Variants in CLK3 observed in about 807,000 individuals in gnomAD.
The protein encoded by CLK3 is dual specificity protein kinase CLK3.
Under a neutral mutation model 65.2 loss-of-function variants are expected in CLK3, and 24 were observed. The ratio of observed to expected loss-of-function variants is 0.37; its 90% CI spans 0.27 to 0.52. The LOEUF is 0.52. Ranked by LOEUF, CLK3 falls within the 20% of genes least tolerant of loss-of-function variation. CLK3 has a pLI of 0.92. For synonymous variants in CLK3, 252 were observed against 240.8 expected, an observed-to-expected ratio of 1.05 and a Z score of -0.43; for missense variants, 506 against 660.0, an observed-to-expected ratio of 0.77 and a Z score of 2.56.
intron 5 of CLK3, among the ~76,000 whole-genome samples, chr15:74,623,356 C>T (rs1035185440): frequency 3.3e-5 from 5 of 152,198 alleles, no homozygotes; most frequent in Admixed American, 6.5e-5. Flanking sequence ...GTGGCCCTCT[C>T]GCTATTTCAG....
At chr15:74,628,523 C>A in intron 10 of CLK3, 81 bp from the exon 11 acceptor site, 1 of 1,010,412 alleles carries the variant, frequency 9.9e-7, no homozygotes. Context: ...AGGGCACTTG[C>A]CCATCTTTCT....
chr15:74,628,601 C>T lies in CLK3; in HGVS notation c.1126-3C>T, dbSNP rs1392180134. On this transcript the variant is annotated splice_polypyrimidine_tract_variant and splice_region_variant and intron_variant, in intron 10 of 12. Transcript: ENST00000395066. ...CCCTTGCACTGTCCCTAATCTTCCA[C>T]AGACCCACGAAAACCGAGAGCACCT... 8 of 1,612,302 alleles carry T rather than the reference C, an allele frequency of 5.0e-6. No individual in the cohort carries two copies. In the East Asian group the frequency reaches 6.7e-5, roughly 13 times the overall value.
At chr15:74,629,469 G>C (rs2141555103) in intron 12 of CLK3, 1 of 572,920 alleles carries the variant, frequency 1.7e-6, no homozygotes, top group South Asian at 2.0e-5. Context: ...TTTGCATGTG[G>C]GGGCAGAGGC....
Position 74,626,067 on chromosome 15 carries a change from C to T in CLK3, c.817+99C>T, listed in dbSNP as rs577457031. 2.2e-6 allele frequency: 3 copies of T among 1,350,018 alleles called. No homozygotes were observed. The Admixed American group carries it at 5.3e-5, about 24-fold the overall frequency. 83.6% of individuals were successfully genotyped at this position (1,350,018 alleles called of 1,614,324 possible). ...CCATTCATTCCAGCACGTTACTAAC[C>T]ATTCTCCTGGGCCTGAGGGACACCA... On this transcript the variant is annotated intron_variant, in intron 7 of 12. Coordinates refer to ENST00000395066, the MANE Select transcript of CLK3 (RefSeq NM_001130028.2).
rs537703689 is a variant in CLK3, at chr15:74,618,049, G to A, written c.1-1148G>A. Among the ~76,000 whole-genome samples, 217 of 152,304 alleles carry A rather than the reference G, an allele frequency of 1.4e-3. 2 individuals carry two copies. Among genetic ancestry groups the A allele is most frequent in the African/African-American group, 4.6e-3 (192 of 41,566 alleles). On this transcript the variant is annotated intron_variant, in intron 1 of 12. Transcript: ENST00000395066. ...GGCCTCACTGTCCTGCTCAAGCATG[G>A]GGAGCTGTTCTATGCTGCTTTTCTC... is the stretch of plus-strand genomic sequence containing the variant.
chr15:74,629,102 CAG>C (rs1221131761), intron 12 of CLK3, 70 bp downstream of exon 12: 1 of 1,173,908 alleles, frequency 8.5e-7, no homozygotes, highest in South Asian at 1.2e-5. Context: ...AGACATACAG[CAG>C]AGACAGGCCA....
intron 10 of CLK3, 122 bp downstream of exon 10, chr15:74,628,174 T>C: frequency 1.4e-6 from 1 of 721,570 alleles, no homozygotes; most frequent in Non-Finnish European, 2.5e-6. Flanking sequence ...CCACTAATCA[T>C]CATGTGAGAT....
At position 74,623,378 on chromosome 15, in the gene CLK3, C is replaced by A. The variant is rs1028910995; in HGVS notation, c.533+818C>A. 2.0e-5 allele frequency among the ~76,000 whole-genome samples: 3 copies of A among 152,216 alleles called. 1 individual carries two copies. Among genetic ancestry groups the A allele is most frequent in the Admixed American group, 2.0e-4 (3 of 15,286 alleles). ...TCTCGCTATTTCAGAGATGAATAAA[C>A]ATGCTCAGGGTTTGCCTGCATCATA... On this transcript the variant is annotated intron_variant, in intron 5 of 12. Coordinates refer to ENST00000395066, the MANE Select transcript of CLK3 (RefSeq NM_001130028.2).
At position 74,619,351 on chromosome 15, in the gene CLK3, G is replaced by A. The variant is rs2062083891; in HGVS notation, c.152+3G>A. ...CCACGAAGATCTCGGTCCAGAAGGT[G>A]AGAGGGAACTAGATAGGAGGGAAAG... On this transcript the variant is annotated splice_donor_region_variant and intron_variant, in intron 2 of 12. Transcript: ENST00000395066. 1 of 1,614,018 alleles carries A rather than the reference G, an allele frequency of 6.2e-7. No homozygotes were observed. Among genetic ancestry groups the A allele is most frequent in the Non-Finnish European group, 8.5e-7 (1 of 1,179,918 alleles).
rs565280571 is a variant in CLK3, at chr15:74,624,476, C to T, written c.534-426C>T. 5.6e-6 allele frequency: 1 copy of T among 177,484 alleles called. No individual in the cohort carries two copies. Among genetic ancestry groups the T allele is most frequent in the Non-Finnish European group, 1.2e-5 (1 of 82,934 alleles). 11.0% of individuals were successfully genotyped at this position (177,484 alleles called of 1,614,324 possible). ...GAACCCCCATCCCTGTTTGCTCAGA[C>T]TTGCAGACAAGCTCAGGAAGGTCAA... On this transcript the variant is annotated intron_variant, in intron 5 of 12. Coordinates refer to ENST00000395066, the MANE Select transcript of CLK3 (RefSeq NM_001130028.2). The surrounding 1 kb of genome is among the most constrained non-coding windows in gnomAD (Gnocchi z 4.2).
chr15:74,629,314 T>G, intron 12 of CLK3: 1 of 553,616 alleles, frequency 1.8e-6, no homozygotes, highest in Non-Finnish European at 3.3e-6. Context: ...TGTCCCTCTC[T>G]CTCCTCGAAA....
intron 1 of CLK3, chr15:74,618,984 T>G: frequency 1.9e-6 from 1 of 540,156 alleles, no homozygotes; most frequent in Non-Finnish European, 3.3e-6. Context: ...GGGAGCTGTT[T>G]GTTTGTTCAC....
chr15:74,627,419 GT>G lies in CLK3; in HGVS notation c.888del (p.Phe296LeufsTer16). ...AGAACATCCTGTTTGTGAATTCTGA[GT>G]TTGAAACCCTCTACAATGAGCACAA... ...PENILFVNSEFETLYNEHKSC... is the reference protein window; with the variant it reads ...PENILFVNSEXETLYNEHKSC... On this transcript the variant is annotated frameshift_variant, in exon 8 of 13. Coordinates refer to ENST00000395066, the MANE Select transcript of CLK3 (RefSeq NM_001130028.2). LOFTEE classifies it high-confidence loss of function. The surrounding 1 kb of genome is among the most constrained non-coding windows in gnomAD (Gnocchi z 4.3). 6.2e-7 allele frequency: 1 copy of G among 1,614,186 alleles called. No homozygotes were observed. The highest frequency in any genetic ancestry group is 8.5e-7 in the Non-Finnish European group (1 of 1,180,012).
In CLK3 at chr15:74,625,833, T is replaced by C. The variant is rs1349310677; in HGVS notation, c.682T>C (p.Phe228Leu). The C allele has an allele frequency of 3.7e-6, 6 of 1,614,040 alleles. No individual in the cohort carries two copies. Among genetic ancestry groups the C allele is most frequent in the Non-Finnish European group, 5.1e-6 (6 of 1,180,036 alleles). ...LCVLMSDWFN[F>L]HGHMCIAFEL... ...TGTCTTGATGTCTGACTGGTTCAAC[T>C]TCCACGGTCACATGTGCATCGCCTT... Residue 228 changes from phenylalanine (F) to leucine (L), a missense_variant, in exon 7 of 13, where the codon TTC becomes CTC. Around this residue, in one of 2 missense-constraint regions of CLK3, gnomAD observed 325 missense variants for 500.5 expected, o/e 0.65. Coordinates refer to ENST00000395066, the MANE Select transcript of CLK3 (RefSeq NM_001130028.2).
chr15:74,615,380 G>C, upstream of CLK3: 2 of 1,197,600 alleles, frequency 1.7e-6, no homozygotes, highest in South Asian at 3.5e-5. Context: ...CGCGCAAGCG[G>C]AGTCGCGTCC....
chr15:74,625,956 C>G lies in CLK3; in HGVS notation c.805C>G (p.His269Asp). Residue 269 changes from histidine (H) to aspartate (D), a missense_variant, in exon 7 of 13, where the codon CAC becomes GAC. By Grantham distance (81) the His-to-Asp change is moderately conservative. Coordinates refer to ENST00000395066, the MANE Select transcript of CLK3 (RefSeq NM_001130028.2). ...CCGGCACATGGCCTACCAGCTCTGC[C>G]ACGCCCTTAGATGTAAGTGTCCACC... The part of the protein sequence containing the change: ...HVRHMAYQLC[H>D]ALRFLHENQL... 1 of 1,614,112 alleles carries G rather than the reference C, an allele frequency of 6.2e-7. No homozygotes were observed. The highest frequency in any genetic ancestry group is 8.5e-7 in the Non-Finnish European group (1 of 1,179,972).
intron 3 of CLK3, chr15:74,620,520 A>G (rs1346328445): frequency 1.9e-6 from 1 of 524,394 alleles, no homozygotes; most frequent in Non-Finnish European, 3.4e-6. Flanking sequence ...ACGTGGTGCA[A>G]GTGGCTGGGG....
Position 74,619,266 on chromosome 15 carries a change from A to AGGT in CLK3, c.71_73dup (p.Arg24_Ser25insTrp). ...CCTGAGCTACCGATGGAAGAGGAGG[A>AGGT]GGTCCTACAGTCGGGAACATGAAGG... On this transcript the variant is annotated inframe_insertion, in exon 2 of 13. Coordinates refer to ENST00000395066, the MANE Select transcript of CLK3 (RefSeq NM_001130028.2). 6.2e-7 allele frequency: 1 copy of AGGT among 1,614,162 alleles called. No individual in the cohort carries two copies. The highest frequency in any genetic ancestry group is 8.5e-7 in the Non-Finnish European group (1 of 1,180,008).
At chr15:74,614,880 T>C (rs1369089156), upstream of CLK3, 1 of 152,184 alleles carries the variant, frequency 6.6e-6, no homozygotes, top group South Asian at 2.1e-4. Context: ...GTGGGGACAA[T>C]TAGGCGCCAC....
Sources: gnomAD v4.1 joint callset for allele counts (sites outside exome capture counted in the v4.1 genomes callset) on GRCh38, gnomAD v4.1.1 for gene constraint, gnomAD v4.1.1 regional missense constraint, Gnocchi (gnomAD v3.1) non-coding constraint, MANE v1.5 for transcripts, NCBI Gene and HGNC (gene_info 2026-07-23, HGNC 2026-07-21) for gene names.